The following IGF1R variants were observed in gnomAD, a reference collection of about 807,000 sequenced individuals.
The protein encoded by IGF1R is insulin-like growth factor 1 receptor.
In IGF1R, 44 loss-of-function variants were observed where a neutral mutation model predicts 144.6. The observed-to-expected ratio is 0.30, with a 90% CI of 0.24 to 0.39. The LOEUF (loss-of-function observed/expected upper bound fraction) is 0.39, where lower values mean the gene tolerates loss of function less well. Ranked by LOEUF, IGF1R falls within the 10% of genes least tolerant of loss-of-function variation. The pLI, the probability that IGF1R is intolerant of heterozygous loss-of-function variation, is 1.00. For synonymous variants in IGF1R, 795 were observed against 722.8 expected (o/e 1.10, Z -1.60); for missense variants, 1,355 against 1,833.7 (o/e 0.74, Z 4.77).
At chr15:98,748,493 T>C (rs529160129) in intron 2 of IGF1R, among the ~76,000 whole-genome samples, 57 of 152,314 alleles carry the variant, frequency 3.7e-4, no homozygotes, top group African/African-American at 1.3e-3. Flanking sequence ...CTTTCACACC[T>C]TTTAATTTCT....
intron 2 of IGF1R, among the ~76,000 whole-genome samples, chr15:98,748,325 C>T (rs555787572): frequency 6.6e-6 from 1 of 152,140 alleles, no homozygotes; most frequent in African/African-American, 2.4e-5. Flanking sequence ...AGCCACCTTG[C>T]CCAGCAAATT....
chr15:98,943,708 C>T lies in IGF1R; in HGVS notation c.3587+656C>T, dbSNP rs527464836. The stretch of plus-strand genomic sequence containing the variant: ...GAGGCAGTCAGGTTCTGAAATACAA[C>T]TGAGGTTATTGGCAGGCTGAGGCCC... On this transcript the variant is annotated intron_variant, in intron 19 of 20. Transcript: ENST00000650285. 6.6e-5 allele frequency among the ~76,000 whole-genome samples: 10 copies of T among 152,356 alleles called. No individual in the cohort carries two copies. The South Asian group carries it at 2.1e-3, about 32-fold the overall frequency.
chr15:98,685,922 T>C (rs2053316533), intron 1 of IGF1R, among the ~76,000 whole-genome samples: 1 of 152,240 alleles, frequency 6.6e-6, no homozygotes, highest in Admixed American at 6.5e-5. Context: ...TTTTTTTAAA[T>C]GTACGAGTTC....
At chr15:98,737,469 A>G (rs376928946) in intron 2 of IGF1R, among the ~76,000 whole-genome samples, 2 of 152,144 alleles carry the variant, frequency 1.3e-5, no homozygotes, top group Non-Finnish European at 2.9e-5. Context: ...AGCTAGAAAT[A>G]CTGTTTTGGG....
intron 1 of IGF1R, among the ~76,000 whole-genome samples, 154 bp downstream of exon 1, chr15:98,649,829 G>A (rs1277864773): frequency 2.0e-5 from 3 of 152,130 alleles, no homozygotes; most frequent in Non-Finnish European, 4.4e-5. Context: ...TGCCGGGAGG[G>A]AGGCTGCAGC....
chr15:98,689,521 T>A (rs973184134), intron 1 of IGF1R, among the ~76,000 whole-genome samples: 1 of 147,136 alleles, frequency 6.8e-6, no homozygotes, highest in Non-Finnish European at 1.5e-5. Context: ...GTCACTGTGC[T>A]CAGCCAGTTG....
At chr15:98,795,894 G>A (rs1010787780) in intron 2 of IGF1R, among the ~76,000 whole-genome samples, 4 of 152,170 alleles carry the variant, frequency 2.6e-5, no homozygotes, top group African/African-American at 4.8e-5. Flanking sequence ...TGAAACACCC[G>A]TGTAAACTAC....
chr15:98,856,180 C>T (rs1389232529), intron 2 of IGF1R, among the ~76,000 whole-genome samples: 1 of 152,242 alleles, frequency 6.6e-6, no homozygotes. Flanking sequence ...GGCAGGTGCT[C>T]AACTAAGCTC....
intron 19 of IGF1R, among the ~76,000 whole-genome samples, chr15:98,947,581 C>T (rs118074850): frequency 1.3e-5 from 2 of 152,336 alleles, no homozygotes; most frequent in East Asian, 1.9e-4. Flanking sequence ...ACGGAATTTG[C>T]CCTGGGAGGG....
intron 2 of IGF1R, chr15:98,890,640 T>A (rs2013861615): frequency 6.5e-6 from 1 of 153,678 alleles, no homozygotes; most frequent in Admixed American, 6.4e-5. Flanking sequence ...CTAAGAACCC[T>A]CTCTTGGGGT....
Position 98,781,560 on chromosome 15 carries a change from G to A in IGF1R, c.640+73453G>A, listed in dbSNP as rs8035577. Among the ~76,000 whole-genome samples, 1,489 of 152,276 alleles carry A rather than the reference G, an allele frequency of 9.8e-3. 21 individuals are homozygous for A. The highest frequency in any genetic ancestry group is 0.033 in the African/African-American group (1,389 of 41,564). On this transcript the variant is annotated intron_variant, in intron 2 of 20. Coordinates refer to ENST00000650285, the MANE Select transcript of IGF1R (RefSeq NM_000875.5). ...ATTTACCTGAGCTTTTTGTAAAGTA[G>A]TAAGTACTTGACTGAATTTCTGCTA... is the stretch of plus-strand genomic sequence containing the variant.
intron 1 of IGF1R, among the ~76,000 whole-genome samples, chr15:98,678,056 G>C (rs899345725): frequency 2.6e-5 from 4 of 152,148 alleles, no homozygotes; most frequent in African/African-American, 9.7e-5. Context: ...TTGAAGAATT[G>C]CCTGTCTTGT....
At chr15:98,708,173 C>A in intron 2 of IGF1R, 66 bp downstream of exon 2, 1 of 1,388,638 alleles carries the variant, frequency 7.2e-7, no homozygotes, top group Non-Finnish European at 1.0e-6. Flanking sequence ...CCTTGACCTC[C>A]CTTCTCTTCT....
At chr15:98,765,001 G>A (rs528315897) in intron 2 of IGF1R, among the ~76,000 whole-genome samples, 1 of 152,244 alleles carries the variant, frequency 6.6e-6, no homozygotes, top group South Asian at 2.1e-4. Context: ...GCAACCACCA[G>A]TCTGCATTCT....
chr15:98,852,036 A>G (rs1455599074), intron 2 of IGF1R, among the ~76,000 whole-genome samples: 1 of 152,240 alleles, frequency 6.6e-6, no homozygotes, highest in Non-Finnish European at 1.5e-5. Context: ...TTAATCTTAA[A>G]AGGTGGAGGG....
At chr15:98,861,769 C>T (rs1256079702) in intron 2 of IGF1R, among the ~76,000 whole-genome samples, 2 of 152,208 alleles carry the variant, frequency 1.3e-5, no homozygotes, top group Admixed American at 6.5e-5. Context: ...GTACAAGGCA[C>T]GGACCAAATC....
At chr15:98,875,908 A>T (rs116862140) in intron 2 of IGF1R, among the ~76,000 whole-genome samples, 38 of 152,272 alleles carry the variant, frequency 2.5e-4, no homozygotes, top group Non-Finnish European at 4.3e-4. Flanking sequence ...CATACGCATC[A>T]CGTCTGAAGG....
intron 2 of IGF1R, among the ~76,000 whole-genome samples, chr15:98,763,697 G>A (rs1163706067): frequency 1.3e-5 from 2 of 152,180 alleles, no homozygotes; most frequent in African/African-American, 2.4e-5. Context: ...TTACAACTGG[G>A]TTAAGTGGTT....
At chr15:98,716,701 G>T (rs1474616399) in intron 2 of IGF1R, among the ~76,000 whole-genome samples, 1 of 152,164 alleles carries the variant, frequency 6.6e-6, no homozygotes, top group Non-Finnish European at 1.5e-5. Context: ...TTGGAGCTTG[G>T]TAGGAGGTGT....
Sources: allele counts gnomAD v4.1 joint callset (sites outside exome capture counted in the v4.1 genomes callset), GRCh38; gene constraint gnomAD v4.1.1; transcripts MANE v1.5; gene names NCBI Gene and HGNC (gene_info 2026-07-23, HGNC 2026-07-21).